Variants in NPAS3 observed in about 807,000 individuals in gnomAD.
The protein encoded by NPAS3 is neuronal PAS domain protein 3, also known as neuronal PAS domain-containing protein 3.
A neutral mutation model predicts 73.1 loss-of-function variants in NPAS3; 14 were observed. The observed-to-expected ratio is 0.19, with a 90% CI of 0.13 to 0.30. The LOEUF (loss-of-function observed/expected upper bound fraction) is 0.30, where lower values mean the gene tolerates loss of function less well. NPAS3 is among the 10% of genes least tolerant of loss of function. NPAS3 has a pLI of 1.00. For synonymous variants in NPAS3, 620 were observed against 541.5 expected, an observed-to-expected ratio of 1.14 and a Z score of -2.01; for missense variants, 1,096 against 1,250.0, an observed-to-expected ratio of 0.88 and a Z score of 1.86.
chr14:33,647,130 A>G (rs2140212938), intron 5 of NPAS3, among the ~76,000 whole-genome samples: 1 of 152,322 alleles, frequency 6.6e-6, no homozygotes, highest in Admixed American at 6.5e-5. Flanking sequence ...CAACTGTGTG[A>G]TATGAATGAC....
At chr14:33,146,795 T>G (rs2044251122) in intron 2 of NPAS3, among the ~76,000 whole-genome samples, 1 of 152,112 alleles carries the variant, frequency 6.6e-6, no homozygotes. Flanking sequence ...AAGATAGAGG[T>G]TTACCGAAGG....
At chr14:33,153,590 A>G (rs1458591642) in intron 2 of NPAS3, among the ~76,000 whole-genome samples, 1 of 152,024 alleles carries the variant, frequency 6.6e-6, no homozygotes, top group African/African-American at 2.4e-5. Flanking sequence ...GCTCCTGTTT[A>G]ATGATCTCCA....
chr14:33,766,492 G>A (rs564753322), intron 7 of NPAS3, among the ~76,000 whole-genome samples: 32 of 152,176 alleles, frequency 2.1e-4, no homozygotes, highest in African/African-American at 5.3e-4. Flanking sequence ...ACCAGCCTTC[G>A]TTCCTAACTT....
intron 3 of NPAS3, among the ~76,000 whole-genome samples, chr14:33,271,389 G>A (rs1170294242): frequency 2.0e-5 from 3 of 152,116 alleles, no homozygotes; most frequent in African/African-American, 7.2e-5. Context: ...AGGGAAAGGG[G>A]GTTCTGGTTT....
At chr14:33,615,784 C>A (rs1456627680) in intron 5 of NPAS3, among the ~76,000 whole-genome samples, 1 of 152,168 alleles carries the variant, frequency 6.6e-6, no homozygotes, top group Non-Finnish European at 1.5e-5. Flanking sequence ...ATCCCCGTAG[C>A]CATATATTCC....
chr14:33,284,620 A>AT (rs949462565), intron 3 of NPAS3, among the ~76,000 whole-genome samples: 1 of 151,966 alleles, frequency 6.6e-6, no homozygotes, highest in African/African-American at 2.4e-5. Context: ...CTTCAAAATG[A>AT]TTTTTTTTCT....
intron 2 of NPAS3, among the ~76,000 whole-genome samples, chr14:33,087,521 T>C (rs1289094999): frequency 6.6e-6 from 1 of 152,140 alleles, no homozygotes; most frequent in African/African-American, 2.4e-5. Flanking sequence ...GATTCATGTT[T>C]ATCAAGTGAT....
At chr14:33,201,654 C>T (rs371609643) in intron 2 of NPAS3, among the ~76,000 whole-genome samples, 11 of 152,334 alleles carry the variant, frequency 7.2e-5, no homozygotes, top group African/African-American at 2.6e-4. Context: ...ATGTTGAGCT[C>T]TCAGTTCAGG....
At chr14:33,380,928 A>C (rs1429842713) in intron 4 of NPAS3, among the ~76,000 whole-genome samples, 1 of 152,164 alleles carries the variant, frequency 6.6e-6, no homozygotes, top group Non-Finnish European at 1.5e-5. Flanking sequence ...AGGTTGATAC[A>C]ATGTTTTAGT....
chr14:33,765,412 C>T (rs1320849034), intron 7 of NPAS3, among the ~76,000 whole-genome samples: 5 of 152,022 alleles, frequency 3.3e-5, no homozygotes, highest in Non-Finnish European at 7.4e-5. Context: ...GGAGCTCAGC[C>T]AGGGGCCGGC....
chr14:33,381,480 T>A (rs1283339591), intron 4 of NPAS3, among the ~76,000 whole-genome samples: 1 of 152,196 alleles, frequency 6.6e-6, no homozygotes, highest in Non-Finnish European at 1.5e-5. Flanking sequence ...TATGACTGAT[T>A]GGTAACTAAT....
At chr14:33,159,301 G>C (rs1182590634) in intron 2 of NPAS3, among the ~76,000 whole-genome samples, 1 of 152,154 alleles carries the variant, frequency 6.6e-6, no homozygotes, top group African/African-American at 2.4e-5. Flanking sequence ...CACCAGAATT[G>C]CTTTGTGAGC....
chr14:33,404,971 A>G (rs1356270792), intron 4 of NPAS3, among the ~76,000 whole-genome samples: 1 of 151,996 alleles, frequency 6.6e-6, no homozygotes, highest in East Asian at 1.9e-4. Flanking sequence ...CTATATTGTA[A>G]TGCTTGCATC....
At chr14:32,946,731 A>G (rs547480395) in intron 1 of NPAS3, among the ~76,000 whole-genome samples, 1 of 152,332 alleles carries the variant, frequency 6.6e-6, no homozygotes, top group Non-Finnish European at 1.5e-5. Flanking sequence ...TTCATTTTTT[A>G]CATTCAGCAA....
At chr14:33,282,952 C>T (rs764823195) in intron 3 of NPAS3, among the ~76,000 whole-genome samples, 1 of 152,144 alleles carries the variant, frequency 6.6e-6, no homozygotes, top group Non-Finnish European at 1.5e-5. Context: ...CTTTGACTTA[C>T]ATTATTGCTC....
intron 6 of NPAS3, among the ~76,000 whole-genome samples, chr14:33,710,664 AAGG>A (rs541806750): frequency 3.9e-5 from 6 of 152,236 alleles, no homozygotes; most frequent in African/African-American, 1.2e-4. Context: ...AGAAAGGAAA[AAGG>A]AGTGCCCCAA....
intron 4 of NPAS3, among the ~76,000 whole-genome samples, chr14:33,484,020 G>A (rs899590796): frequency 3.3e-5 from 5 of 152,184 alleles, no homozygotes; most frequent in Admixed American, 3.3e-4. Context: ...GCCAGGTACT[G>A]TTTCTAGGCA....
At chr14:33,605,045 T>C (rs1029744756) in intron 5 of NPAS3, among the ~76,000 whole-genome samples, 13 of 151,624 alleles carry the variant, frequency 8.6e-5, no homozygotes, top group Admixed American at 2.6e-4. Flanking sequence ...AGAAATTAAA[T>C]CTAAAATGAG....
intron 7 of NPAS3, among the ~76,000 whole-genome samples, chr14:33,772,808 T>C (rs2062696165): frequency 1.3e-5 from 2 of 152,340 alleles, no homozygotes; most frequent in South Asian, 2.1e-4. Flanking sequence ...ATTCATAAAG[T>C]AGCTCATCTG....
Sources: allele counts gnomAD v4.1 joint callset (sites outside exome capture counted in the v4.1 genomes callset), GRCh38; gene constraint gnomAD v4.1.1; transcripts MANE v1.5; gene names NCBI Gene and HGNC (gene_info 2026-07-23, HGNC 2026-07-21).